SPAG16: variants seen among roughly 807,000 people sequenced by gnomAD.
The protein encoded by SPAG16 is sperm associated antigen 16.
Under a neutral mutation model 80.4 loss-of-function variants are expected in SPAG16, and 86 were observed. That is an observed-to-expected ratio of 1.07 (90% CI 0.90 to 1.28). SPAG16 has a LOEUF of 1.28. Ranked by LOEUF, SPAG16 falls within the 50% of genes most tolerant of loss-of-function variation. The pLI is 0.00. For missense variants in SPAG16, 870 were observed against 765.3 expected, an observed-to-expected ratio of 1.14 and a Z score of -1.61; for synonymous variants, 294 against 265.9, an observed-to-expected ratio of 1.11 and a Z score of -1.03.
chr2:214,019,212 G>T (rs2047736348), intron 13 of SPAG16, among the ~76,000 whole-genome samples: 1 of 152,034 alleles, frequency 6.6e-6, no homozygotes, highest in Non-Finnish European at 1.5e-5. Context: ...CAGTGATTTG[G>T]AAGCCTGTTT....
intron 9 of SPAG16, among the ~76,000 whole-genome samples, chr2:213,488,018 G>A (rs2074063013): frequency 6.6e-6 from 1 of 151,816 alleles, no homozygotes; most frequent in Non-Finnish European, 1.5e-5. Context: ...TTTTTCCATA[G>A]GCTTTTTATT....
chr2:213,621,565 G>A (rs2061787262), intron 10 of SPAG16, among the ~76,000 whole-genome samples: 1 of 152,060 alleles, frequency 6.6e-6, no homozygotes, highest in Non-Finnish European at 1.5e-5. Context: ...GAGGGAGATA[G>A]GAAAGGAAAT....
intron 13 of SPAG16, among the ~76,000 whole-genome samples, chr2:214,083,531 A>C (rs568398936): frequency 1.7e-3 from 259 of 152,006 alleles, no homozygotes; most frequent in Non-Finnish European, 2.3e-3. Context: ...TTTCTGTGTG[A>C]TTCCAGTGAT....
At chr2:214,311,104 C>T (rs775716158) in intron 15 of SPAG16, among the ~76,000 whole-genome samples, 23 of 151,518 alleles carry the variant, frequency 1.5e-4, no homozygotes, top group Admixed American at 1.3e-3. Flanking sequence ...GGTCACCTAT[C>T]CACTAGGGCA....
At chr2:213,889,112 T>C (rs1575465036) in intron 11 of SPAG16, among the ~76,000 whole-genome samples, 1 of 151,994 alleles carries the variant, frequency 6.6e-6, no homozygotes, top group African/African-American at 2.4e-5. Context: ...TTCCAAATCT[T>C]AAACAACTTT....
chr2:213,668,978 TC>T (rs2063718683), intron 10 of SPAG16, among the ~76,000 whole-genome samples: 1 of 152,198 alleles, frequency 6.6e-6, no homozygotes, highest in Non-Finnish European at 1.5e-5. Flanking sequence ...CTAAGAAGTC[TC>T]TGGAAAATAG....
intron 15 of SPAG16, among the ~76,000 whole-genome samples, chr2:214,213,679 G>A (rs557603558): frequency 1.3e-5 from 2 of 152,190 alleles, no homozygotes; most frequent in African/African-American, 2.4e-5. Context: ...CCCCTGGAAT[G>A]TATGTGCTCA....
intron 14 of SPAG16, among the ~76,000 whole-genome samples, chr2:214,126,183 A>G (rs1006630470): frequency 1.4e-5 from 2 of 147,396 alleles, no homozygotes; most frequent in African/African-American, 5.0e-5. Context: ...GCTAGGCTTT[A>G]CGGAGAAGGG....
At chr2:213,673,582 A>G (rs2063908898) in intron 10 of SPAG16, among the ~76,000 whole-genome samples, 1 of 152,222 alleles carries the variant, frequency 6.6e-6, no homozygotes, top group African/African-American at 2.4e-5. Flanking sequence ...CACATTGCAG[A>G]AGAGGATACA....
At chr2:214,153,571 G>T (rs951487969) in intron 15 of SPAG16, among the ~76,000 whole-genome samples, 2 of 152,092 alleles carry the variant, frequency 1.3e-5, no homozygotes, top group Non-Finnish European at 2.9e-5. Context: ...AGGGGTCTGA[G>T]AGGTCAACTC....
intron 12 of SPAG16, among the ~76,000 whole-genome samples, chr2:213,976,235 C>A (rs563349769): frequency 1.3e-5 from 2 of 149,896 alleles, no homozygotes; most frequent in Non-Finnish European, 3.0e-5. Context: ...CATATATACA[C>A]GTGTGTATAC....
chr2:213,928,935 AC>A (rs2078623209), intron 11 of SPAG16, among the ~76,000 whole-genome samples: 1 of 146,998 alleles, frequency 6.8e-6, no homozygotes, highest in Non-Finnish European at 1.5e-5. Context: ...ACACACACAC[AC>A]ACACACAAAA....
chr2:214,332,686 A>G (rs1232764462), intron 15 of SPAG16, among the ~76,000 whole-genome samples: 1 of 152,188 alleles, frequency 6.6e-6, no homozygotes, highest in Non-Finnish European at 1.5e-5. Context: ...TGATCAGATT[A>G]GTTAGTTAAA....
intron 10 of SPAG16, among the ~76,000 whole-genome samples, chr2:213,719,715 A>C (rs2066429102): frequency 1.3e-5 from 2 of 152,226 alleles, no homozygotes; most frequent in African/African-American, 4.8e-5. Flanking sequence ...GTGGAGAAAT[A>C]GGAATGCTTT....
At chr2:213,931,269 C>A (rs1188734061) in intron 12 of SPAG16, among the ~76,000 whole-genome samples, 1 of 152,092 alleles carries the variant, frequency 6.6e-6, no homozygotes, top group Non-Finnish European at 1.5e-5. Flanking sequence ...AAAGCTATAG[C>A]TAAATAAAAT....
intron 15 of SPAG16, among the ~76,000 whole-genome samples, chr2:214,361,948 A>G (rs1276837712): frequency 6.6e-6 from 1 of 151,890 alleles, no homozygotes; most frequent in Admixed American, 6.6e-5. Flanking sequence ...TTATCAGGCA[A>G]TAGGCCTTTC....
intron 15 of SPAG16, among the ~76,000 whole-genome samples, chr2:214,231,022 G>A (rs1006034423): frequency 3.3e-5 from 5 of 151,720 alleles, no homozygotes; most frequent in African/African-American, 9.7e-5. Context: ...TGCCTTCTTT[G>A]GTTGACAAGT....
chr2:213,531,580 AGTACCTACG>A (rs1269589849), intron 10 of SPAG16, among the ~76,000 whole-genome samples: 1 of 152,100 alleles, frequency 6.6e-6, no homozygotes, highest in East Asian at 1.9e-4. Flanking sequence ...GCTTTTGCAC[AGTACCTACG>A]GATTCCAAGT....
rs1460794099 is a variant in SPAG16, at chr2:213,514,540, A to G, written c.1070+24450A>G. On this transcript the variant is annotated intron_variant, in intron 10 of 15. Transcript: ENST00000331683. Reference sequence around the variant, plus strand: ...GTGCAGGTTAGTTACATATGTATACATGTGCCATGCTGGTGCGCTGCACCC... The same window carrying G: ...GTGCAGGTTAGTTACATATGTATACGTGTGCCATGCTGGTGCGCTGCACCC... Among the ~76,000 whole-genome samples the G allele has an allele frequency of 5.3e-5, 8 of 151,870 alleles. No individual in the cohort carries two copies. In the East Asian group the frequency reaches 1.4e-3, roughly 26 times the overall value.
Sources: gnomAD v4.1 joint callset for allele counts (sites outside exome capture counted in the v4.1 genomes callset) on GRCh38, gnomAD v4.1.1 for gene constraint, MANE v1.5 for transcripts, NCBI Gene and HGNC (gene_info 2026-07-23, HGNC 2026-07-21) for gene names.